Variants in BORCS5 observed in about 807,000 individuals in gnomAD.
The protein encoded by BORCS5 is BLOC-1 related complex subunit 5.
Under a neutral mutation model 22.1 loss-of-function variants are expected in BORCS5, and 17 were observed. That is an observed-to-expected ratio of 0.77 (90% confidence interval 0.53 to 1.15). The LOEUF is 1.15. BORCS5 is among the 50% of genes most tolerant of loss of function. The pLI, the probability that BORCS5 is intolerant of heterozygous loss-of-function variation, is 0.00. For synonymous variants in BORCS5, 117 were observed against 99.8 expected, an observed-to-expected ratio of 1.17 and a Z score of -1.03; for missense variants, 247 against 253.2, an observed-to-expected ratio of 0.98 and a Z score of 0.17.
chr12:12,388,327 T>C (rs1053692740), intron 2 of BORCS5, among the ~76,000 whole-genome samples: 3 of 151,044 alleles, frequency 2.0e-5, no homozygotes, highest in African/African-American at 4.9e-5. Flanking sequence ...AATCACACCA[T>C]TGATGAGAGA....
At chr12:12,360,567 A>ATTT (rs35965943) in intron 1 of BORCS5, among the ~76,000 whole-genome samples, 8 of 89,228 alleles carry the variant, frequency 9.0e-5, no homozygotes, top group South Asian at 5.3e-4. Flanking sequence ...ATTAAAAGAA[A>ATTT]TTTTTTTTTT....
At chr12:12,426,154 G>C (rs1252848051) in intron 2 of BORCS5, among the ~76,000 whole-genome samples, 1 of 152,098 alleles carries the variant, frequency 6.6e-6, no homozygotes, top group East Asian at 1.9e-4. Context: ...TATACCATGT[G>C]GTCTCCCTTC....
chr12:12,410,949 T>G (rs1396969608), intron 2 of BORCS5, among the ~76,000 whole-genome samples: 1 of 152,072 alleles, frequency 6.6e-6, no homozygotes, highest in Admixed American at 6.6e-5. Context: ...TCACATCCCT[T>G]TAAGTTGGAT....
At chr12:12,396,144 C>T (rs551112742) in intron 2 of BORCS5, among the ~76,000 whole-genome samples, 45 of 152,120 alleles carry the variant, frequency 3.0e-4, no homozygotes, top group African/African-American at 7.7e-4. Flanking sequence ...CACATTACCA[C>T]GCCCAGCTAA....
intron 2 of BORCS5, among the ~76,000 whole-genome samples, chr12:12,425,422 C>T (rs183077292): frequency 1.3e-4 from 20 of 152,294 alleles, no homozygotes; most frequent in African/African-American, 4.8e-4. Flanking sequence ...AACCCCCATA[C>T]TGTTTTCCCC....
At chr12:12,437,967 G>A (rs1480217138) in intron 3 of BORCS5, among the ~76,000 whole-genome samples, 4 of 151,948 alleles carry the variant, frequency 2.6e-5, no homozygotes, top group Non-Finnish European at 5.9e-5. Flanking sequence ...CAGCTCAAGC[G>A]ATCCTCCCGC....
At position 12,470,486 on chromosome 12, in the gene BORCS5, C is replaced by T. The variant is rs138061326; in HGVS notation, c.*4710C>T. On this transcript the variant is annotated 3_prime_UTR_variant, in exon 4 of 4. Coordinates refer to ENST00000314565, the MANE Select transcript of BORCS5 (RefSeq NM_058169.6). The stretch of plus-strand genomic sequence containing the variant: ...AGAGCGTGAACCCTATTGTGAACTG[C>T]GCACGTGAAGGATCTAGGTTTTGCG... 6.6e-5 allele frequency among the ~76,000 whole-genome samples: 10 copies of T among 152,226 alleles called. No individual in the cohort carries two copies. The East Asian group carries it at 9.6e-4, about 15-fold the overall frequency.
chr12:12,429,950 A>C (rs16908050), intron 2 of BORCS5, among the ~76,000 whole-genome samples: 20,838 of 152,034 alleles, frequency 0.14, 1,701 homozygotes, highest in East Asian at 0.23. Context: ...AGATCCTGGG[A>C]AGCCTTTTTC....
intron 2 of BORCS5, among the ~76,000 whole-genome samples, chr12:12,375,489 A>T (rs1387156438): frequency 6.6e-6 from 1 of 152,174 alleles, no homozygotes; most frequent in Non-Finnish European, 1.5e-5. Flanking sequence ...TCATGGTGGC[A>T]TGTGCTGGTA....
At chr12:12,410,246 C>T (rs1438891155) in intron 2 of BORCS5, among the ~76,000 whole-genome samples, 1 of 152,106 alleles carries the variant, frequency 6.6e-6, no homozygotes, top group African/African-American at 2.4e-5. Flanking sequence ...TCCCATTTGT[C>T]AATTTTGGCT....
intron 2 of BORCS5, among the ~76,000 whole-genome samples, chr12:12,427,242 A>G (rs892171536): frequency 3.8e-5 from 5 of 130,276 alleles, no homozygotes; most frequent in Non-Finnish European, 7.6e-5. Flanking sequence ...GTTTGGTGGC[A>G]CAATCTCGGC....
At chr12:12,394,247 A>T (rs1941274679) in intron 2 of BORCS5, among the ~76,000 whole-genome samples, 1 of 151,838 alleles carries the variant, frequency 6.6e-6, no homozygotes, top group Non-Finnish European at 1.5e-5. Flanking sequence ...AATCACTTGA[A>T]CCCAGGAGGC....
At chr12:12,464,670 G>A (rs548211650) in intron 3 of BORCS5, among the ~76,000 whole-genome samples, 12 of 152,076 alleles carry the variant, frequency 7.9e-5, no homozygotes, top group Non-Finnish European at 1.2e-4. Flanking sequence ...ACACGATGGC[G>A]GTCTCTCTCT....
chr12:12,363,617 G>T (rs1863342092), intron 2 of BORCS5, among the ~76,000 whole-genome samples: 1 of 152,066 alleles, frequency 6.6e-6, no homozygotes, highest in Admixed American at 6.6e-5. Context: ...GGTGCCTGTA[G>T]TCCCAGCTAC....
At chr12:12,357,545 C>A in intron 1 of BORCS5, 36 bp downstream of exon 1, 1 of 1,588,966 alleles carries the variant, frequency 6.3e-7, no homozygotes, top group Non-Finnish European at 8.6e-7. Context: ...CTCCAGCCCG[C>A]CCTGTCCCCT....
intron 3 of BORCS5, among the ~76,000 whole-genome samples, chr12:12,456,930 A>T (rs1943008133): frequency 1.3e-5 from 2 of 151,956 alleles, no homozygotes; most frequent in African/African-American, 4.8e-5. Context: ...TGTAACCGAG[A>T]TGAGGCGTCC....
chr12:12,392,975 T>A (rs879329041), intron 2 of BORCS5, among the ~76,000 whole-genome samples: 1 of 152,118 alleles, frequency 6.6e-6, no homozygotes, highest in Admixed American at 6.6e-5. Flanking sequence ...ATGCCTATAA[T>A]GCAATGCCAG....
Position 12,361,328 on chromosome 12 carries a change from A to G in BORCS5, c.181A>G (p.Thr61Ala). 2 of 1,614,090 alleles carry G rather than the reference A, an allele frequency of 1.2e-6. No individual in the cohort carries two copies. Residue 61 changes from threonine to alanine, a missense_variant, in exon 2 of 4, where the codon ACC becomes GCC. Transcript: ENST00000314565. ...TGTCATCAAGTTGCAAGAGATTCCA[A>G]CCTTCCAGCCCCTTTTGAAAGGTAA... ...PDVIKLQEIP[T>A]FQPLLKGLLS...
chr12:12,383,744 A>G (rs1391795257), intron 2 of BORCS5, among the ~76,000 whole-genome samples: 1 of 150,402 alleles, frequency 6.6e-6, no homozygotes, highest in Non-Finnish European at 1.5e-5. Context: ...TGCTCATTTC[A>G]GGATTTTTTT....
Sources: allele counts gnomAD v4.1 joint callset (sites outside exome capture counted in the v4.1 genomes callset), GRCh38; gene constraint gnomAD v4.1.1; transcripts MANE v1.5; gene names NCBI Gene and HGNC (gene_info 2026-07-23, HGNC 2026-07-21).